NUAK1: variants seen among roughly 807,000 people sequenced by gnomAD.
The protein encoded by NUAK1 is NUAK family SNF1-like kinase 1.
In NUAK1, 26 loss-of-function variants were observed where a neutral mutation model predicts 56.9. The observed-to-expected ratio is 0.46, with a 90% CI of 0.33 to 0.63. The LOEUF (loss-of-function observed/expected upper bound fraction) is 0.63. NUAK1 is among the 30% of genes least tolerant of loss of function. The pLI, the probability that NUAK1 is intolerant of heterozygous loss-of-function variation, is 0.02. For synonymous variants in NUAK1, 337 were observed against 336.0 expected, an observed-to-expected ratio of 1.00 and a Z score of -0.03; for missense variants, 727 against 876.1, an observed-to-expected ratio of 0.83 and a Z score of 2.15.
intron 4 of NUAK1, among the ~76,000 whole-genome samples, chr12:106,082,953 G>T (rs1027135028): frequency 2.0e-5 from 3 of 152,158 alleles, no homozygotes; most frequent in Non-Finnish European, 2.9e-5. Context: ...GAGTACTAAG[G>T]CCGTTTCATA....
At chr12:106,089,412 C>A (rs561457734) in intron 2 of NUAK1, among the ~76,000 whole-genome samples, 2 of 152,354 alleles carry the variant, frequency 1.3e-5, no homozygotes, top group Non-Finnish European at 2.9e-5. Context: ...GACACAAACA[C>A]AATTCGGTTC....
intron 6 of NUAK1, among the ~76,000 whole-genome samples, 199 bp downstream of exon 6, chr12:106,070,575 C>T (rs370261133): frequency 6.6e-6 from 1 of 152,178 alleles, no homozygotes; most frequent in South Asian, 2.1e-4. Flanking sequence ...AGAAGGTGTG[C>T]TCTGAAAATT....
chr12:106,088,228 TG>T lies in NUAK1; in HGVS notation c.362-1344del, dbSNP rs573846080. On this transcript the variant is annotated intron_variant, in intron 2 of 6. Transcript: ENST00000261402. ...GAGCAAGGATAAAATAAGCAATATT[TG>T]TTTTGAAATCCATCATCACTCTTAA... Among the ~76,000 whole-genome samples, 4 of 152,320 alleles carry T rather than the reference TG, an allele frequency of 2.6e-5. No individual in the cohort carries two copies. The East Asian group carries it at 7.7e-4, about 29-fold the overall frequency.
chr12:106,086,846 T>C lies in NUAK1; in HGVS notation c.401A>G (p.Tyr134Cys), dbSNP rs557272627. The change falls in exon 3 of 7, where the codon TAT (tyrosine) becomes TGT (cysteine). Residue 134 changes from tyrosine to cysteine, a missense_variant. By Grantham distance (194) the Tyr-to-Cys change is radical. Transcript: ENST00000261402. Reference sequence around the variant, plus strand: ...ATCGTACAGCTCCCCTTTGCTGGCATATTCCATGATGATCACAATCTTATC... The same window carrying C: ...ATCGTACAGCTCCCCTTTGCTGGCACATTCCATGATGATCACAATCTTATC... ...NKDKIVIIME[Y>C]ASKGELYDYI... 2.3e-5 allele frequency: 37 copies of C among 1,614,152 alleles called. No individual in the cohort carries two copies. The Admixed American group carries it at 3.2e-4, about 14-fold the overall frequency.
intron 2 of NUAK1, among the ~76,000 whole-genome samples, chr12:106,092,205 A>AT (rs2136465309): frequency 6.6e-6 from 1 of 152,170 alleles, no homozygotes; most frequent in East Asian, 1.9e-4. Flanking sequence ...AAAATCGTAG[A>AT]TGAGTTTTGA....
At chr12:106,120,857 C>T (rs1380364701) in intron 1 of NUAK1, among the ~76,000 whole-genome samples, 4 of 152,170 alleles carry the variant, frequency 2.6e-5, no homozygotes, top group Non-Finnish European at 5.9e-5. Flanking sequence ...AGCAAGGTCC[C>T]ATCTTGACCA....
At chr12:106,119,466 G>C (rs926929835) in intron 1 of NUAK1, among the ~76,000 whole-genome samples, 9 of 151,998 alleles carry the variant, frequency 5.9e-5, no homozygotes, top group Non-Finnish European at 1.3e-4. Context: ...TGGATTCCAT[G>C]CACGGCGCCC....
Position 106,067,696 on chromosome 12 carries a change from C to T in NUAK1, c.1092G>A (p.Arg364=), listed in dbSNP as rs776573677. Residue 364 remains arginine (R), a synonymous_variant, in exon 7 of 7, where the codon CGG becomes CGA. Transcript: ENST00000261402. The surrounding 1 kb of genome is among the most constrained non-coding windows in gnomAD (Gnocchi z 6.0). ...TCTTGGATTTCTTCAGCGACCGCTG[C>T]CGCTCTAGCATGACCTCAGAGGTCG... is the stretch of plus-strand genomic sequence containing the variant. ...KPTTSEVMLE[R]QRSLKKSKKE... The T allele has an allele frequency of 6.2e-7, 1 of 1,614,236 alleles. No homozygotes were observed. Among genetic ancestry groups the T allele is most frequent in the Non-Finnish European group, 8.5e-7 (1 of 1,180,038 alleles).
At chr12:106,133,233 G>A (rs532372957) in intron 1 of NUAK1, among the ~76,000 whole-genome samples, 2 of 152,078 alleles carry the variant, frequency 1.3e-5, no homozygotes, top group South Asian at 4.2e-4. Context: ...GCCTTGGAAT[G>A]CCCCACATTC....
chr12:106,134,452 A>AG (rs1247697082), intron 1 of NUAK1, among the ~76,000 whole-genome samples: 1 of 152,220 alleles, frequency 6.6e-6, no homozygotes, highest in Non-Finnish European at 1.5e-5. Context: ...TCTAGTGGCC[A>AG]GGGGCACCAG....
At chr12:106,123,907 C>T (rs1456324506) in intron 1 of NUAK1, among the ~76,000 whole-genome samples, 5 of 152,144 alleles carry the variant, frequency 3.3e-5, no homozygotes, top group Admixed American at 2.0e-4. Flanking sequence ...TTGCTTCAAG[C>T]GTAAGTACGA....
At chr12:106,129,405 G>A (rs2033055585) in intron 1 of NUAK1, among the ~76,000 whole-genome samples, 1 of 152,230 alleles carries the variant, frequency 6.6e-6, no homozygotes, top group Admixed American at 6.5e-5. Context: ...CTGGGCTACA[G>A]GCTGGGCTGC....
At chr12:106,111,982 T>A (rs2032863694) in intron 1 of NUAK1, among the ~76,000 whole-genome samples, 1 of 147,840 alleles carries the variant, frequency 6.8e-6, no homozygotes, top group East Asian at 2.0e-4. Context: ...AAAGTTGGGA[T>A]GAATAGAAAA....
intron 2 of NUAK1, among the ~76,000 whole-genome samples, chr12:106,091,722 A>C (rs1162737913): frequency 6.6e-6 from 1 of 152,196 alleles, no homozygotes; most frequent in Non-Finnish European, 1.5e-5. Context: ...TGGACCTGTG[A>C]AATTGTCTGG....
chr12:106,103,164 CCACACAGGG>C, intron 2 of NUAK1: 2 of 152,376 alleles, frequency 1.3e-5, no homozygotes, highest in South Asian at 4.1e-4. Context: ...ATTCCCAAGG[CCACACAGGG>C]CATGGTGCTG....
In NUAK1 at chr12:106,138,272, A is replaced by C; in HGVS notation, c.240+142T>G. ...GTCACGGGGTGCTGGAGAAAGAGTG[A>C]GGAGTCTGTCTCGGGGCTTCCCAAT... On this transcript the variant is annotated intron_variant, in intron 1 of 6. Coordinates refer to ENST00000261402, the MANE Select transcript of NUAK1 (RefSeq NM_014840.3). The surrounding 1 kb of genome is among the most constrained non-coding windows in gnomAD (Gnocchi z 5.0). The C allele has an allele frequency of 9.1e-7, 1 of 1,101,072 alleles. No individual in the cohort carries two copies. Among genetic ancestry groups the C allele is most frequent in the Non-Finnish European group, 1.3e-6 (1 of 797,114 alleles). 68.2% of individuals were successfully genotyped at this position (1,101,072 alleles called of 1,614,324 possible). A position where few individuals can be genotyped will look rare whatever the true frequency, so the allele number is the denominator to read the frequency against.
At chr12:106,119,497 T>G (rs1242328464) in intron 1 of NUAK1, among the ~76,000 whole-genome samples, 1 of 152,128 alleles carries the variant, frequency 6.6e-6, no homozygotes, top group African/African-American at 2.4e-5. Context: ...TCACCCATAG[T>G]TTTCCTACTA....
chr12:106,118,391 T>C (rs1287912814), intron 1 of NUAK1, among the ~76,000 whole-genome samples: 2 of 152,176 alleles, frequency 1.3e-5, no homozygotes, highest in Non-Finnish European at 2.9e-5. Flanking sequence ...GTCAAATCTA[T>C]GGAAATATGT....
chr12:106,138,494 G>A lies in NUAK1; in HGVS notation c.160C>T (p.Arg54Cys). The A allele has an allele frequency of 1.2e-6, 2 of 1,613,534 alleles. No individual in the cohort carries two copies. Among genetic ancestry groups the A allele is most frequent in the Non-Finnish European group, 1.7e-6 (2 of 1,179,832 alleles). The change falls in exon 1 of 7, where the codon CGC (arginine) becomes TGC (cysteine). Residue 54 changes from arginine (R) to cysteine (C), a missense_variant. Physicochemically the swap from Arg to Cys is radical, Grantham distance 180. Transcript: ENST00000261402. The surrounding 1 kb of genome is among the most constrained non-coding windows in gnomAD (Gnocchi z 5.0). Reference sequence around the variant, plus strand: ...CCCAGGGTCTCCTGCAGCTCGTAGCGGTGCTTCAAGTTGTGCTTGTGGTGA... The same window carrying A: ...CCCAGGGTCTCCTGCAGCTCGTAGCAGTGCTTCAAGTTGTGCTTGTGGTGA... ...RHHHKHNLKHRYELQETLGKG... is the reference protein window; with the variant it reads ...RHHHKHNLKHCYELQETLGKG...
Sources: gnomAD v4.1 joint callset for allele counts (sites outside exome capture counted in the v4.1 genomes callset) on GRCh38, gnomAD v4.1.1 for gene constraint, Gnocchi (gnomAD v3.1) non-coding constraint, MANE v1.5 for transcripts, NCBI Gene and HGNC (gene_info 2026-07-23, HGNC 2026-07-21) for gene names.